GSN: variants seen among roughly 807,000 people sequenced by gnomAD.
GSN encodes gelsolin, also known as actin-depolymerizing factor.
GSN carries 56 observed loss-of-function variants against 85.7 expected under a neutral mutation model. The observed-to-expected ratio is 0.65, with a 90% CI of 0.53 to 0.82. The LOEUF is 0.82. GSN is among the 40% of genes least tolerant of loss of function. The pLI, the probability that GSN is intolerant of heterozygous loss-of-function variation, is 0.00. For synonymous variants in GSN, 373 were observed against 399.1 expected, an observed-to-expected ratio of 0.93 and a Z score of 0.78; for missense variants, 857 against 979.8, an observed-to-expected ratio of 0.87 and a Z score of 1.67.
rs2063673536 is a variant in GSN, at chr9:121,329,708, T to C, written c.1965+393T>C. ...GTGTCACCTAGAGGCTCTAGAGGGC[T>C]CCTGCTTCTGGTTTGAGGGCTCTGG... is the stretch of plus-strand genomic sequence containing the variant. On this transcript the variant is annotated intron_variant, in intron 16 of 17. Coordinates refer to ENST00000432226, the MANE Select transcript of GSN (RefSeq NM_198252.3). The surrounding 1 kb of genome is among the most constrained non-coding windows in gnomAD (Gnocchi z 4.6). Among the ~76,000 whole-genome samples, 1 of 152,192 alleles carries C rather than the reference T, an allele frequency of 6.6e-6. No individual in the cohort carries two copies. Among genetic ancestry groups the C allele is most frequent in the South Asian group, 2.1e-4 (1 of 4,826 alleles).
intron 2 of GSN, among the ~76,000 whole-genome samples, chr9:121,298,165 C>T (rs1325883828): frequency 6.6e-6 from 1 of 152,132 alleles, no homozygotes; most frequent in African/African-American, 2.4e-5. Flanking sequence ...TCGGTGACCC[C>T]TGCTGCCCTC....
intron 5 of GSN, among the ~76,000 whole-genome samples, chr9:121,247,591 T>G (rs2054726346): frequency 6.6e-6 from 1 of 152,112 alleles, no homozygotes; most frequent in Non-Finnish European, 1.5e-5. Context: ...GAGAGAGAAG[T>G]GAGTAGAAAA....
chr9:121,326,383 G>A lies in GSN; in HGVS notation c.1417-129G>A, dbSNP rs568696079. ...CTGGTGTCCCTGCCTGTGTGTTGTCGGGTCACATTCCATGCCACACACAGA... is the reference window on the plus strand; with the variant it reads ...CTGGTGTCCCTGCCTGTGTGTTGTCAGGTCACATTCCATGCCACACACAGA... On this transcript the variant is annotated intron_variant, in intron 12 of 17. Coordinates refer to ENST00000432226, the MANE Select transcript of GSN (RefSeq NM_198252.3). 25 of 777,444 alleles carry A rather than the reference G, an allele frequency of 3.2e-5. 1 individual carries two copies. The highest frequency in any genetic ancestry group is 1.6e-4 in the East Asian group (6 of 37,770). 48.2% of individuals were successfully genotyped at this position (777,444 alleles called of 1,614,324 possible). A position where few individuals can be genotyped will look rare whatever the true frequency, so the allele number is the denominator to read the frequency against.
chr9:121,213,596 G>A (rs2054005669), intron 4 of GSN, among the ~76,000 whole-genome samples: 2 of 152,212 alleles, frequency 1.3e-5, no homozygotes, highest in African/African-American at 4.8e-5. Flanking sequence ...TCCTGACTCT[G>A]CCGTCAGCTG....
chr9:121,269,769 T>C (rs186199593), intron 1 of GSN, among the ~76,000 whole-genome samples: 158 of 152,284 alleles, frequency 1.0e-3, no homozygotes, highest in Admixed American at 8.3e-3. Flanking sequence ...TACTCCAGAA[T>C]TTTCCACAGT....
upstream of GSN, chr9:121,265,830 G>C (rs2055186160): frequency 6.6e-6 from 1 of 152,222 alleles, no homozygotes; most frequent in Non-Finnish European, 1.5e-5. Context: ...TATCTAGAAA[G>C]GAATGAAGAC....
intron 2 of GSN, among the ~76,000 whole-genome samples, chr9:121,293,697 CAAA>C (rs55953322): frequency 1.1e-3 from 119 of 108,774 alleles, no homozygotes; most frequent in Non-Finnish European, 1.1e-3. Flanking sequence ...GACCCCATCT[CAAA>C]AAAAAAAAAA....
upstream of GSN, among the ~76,000 whole-genome samples, chr9:121,206,424 T>TA (rs564980634): frequency 5.9e-5 from 9 of 152,212 alleles, no homozygotes; most frequent in South Asian, 1.2e-3. Flanking sequence ...CTTATCACAC[T>TA]AAAAAAAGGT....
rs58231680 is a variant in GSN, at chr9:121,251,187, C to CTTTTTTTTTTTTTTTTTTT, written c.-341+2877_-341+2878insTTTTTTTTTTTTTTTTTTT. Among the ~76,000 whole-genome samples the CTTTTTTTTTTTTTTTTTTT allele has an allele frequency of 6.4e-3, 465 of 73,020 alleles. 113 individuals are homozygous for CTTTTTTTTTTTTTTTTTTT. Among genetic ancestry groups the CTTTTTTTTTTTTTTTTTTT allele is most frequent in the East Asian group, 0.011 (26 of 2,304 alleles). 47.9% of individuals were successfully genotyped at this position (73,020 alleles called of 152,430 possible). ...ATAACATACCTACAGCTGATGTGTTCTTTTTTTTTTTTTGAGATGGATTCT... is the reference window on the plus strand; with the variant it reads ...ATAACATACCTACAGCTGATGTGTTCTTTTTTTTTTTTTTTTTTTTTTTTTTTTTTTTGAGATGGATTCT... On this transcript the variant is annotated intron_variant, in intron 6 of 24. Coordinates refer to the GSN transcript ENST00000373823.
chr9:121,254,268 G>A (rs2054901097), intron 6 of GSN, among the ~76,000 whole-genome samples: 1 of 152,196 alleles, frequency 6.6e-6, no homozygotes, highest in African/African-American at 2.4e-5. Flanking sequence ...TCCTAACACA[G>A]TTTTAGCCTC....
upstream of GSN, among the ~76,000 whole-genome samples, chr9:121,206,796 C>T (rs1248664442): frequency 6.6e-6 from 1 of 152,110 alleles, no homozygotes; most frequent in Non-Finnish European, 1.5e-5. Flanking sequence ...GCTCTGTCAC[C>T]CAGGCTGGAG....
In GSN at chr9:121,213,710, G is replaced by C. The variant is rs533120248; in HGVS notation, c.-528+2843G>C. ...AATCATAGACTCTTGGCACAAGAAG[G>C]GGCCTTTGAGATCAGCCCTTAGAGC... On this transcript the variant is annotated intron_variant, in intron 4 of 24. Transcript: ENST00000373823. 7.2e-5 allele frequency among the ~76,000 whole-genome samples: 11 copies of C among 152,236 alleles called. No homozygotes were observed. The East Asian group carries it at 2.1e-3, about 29-fold the overall frequency.
At chr9:121,202,684 CACAT>C in the GSN span, among the ~76,000 whole-genome samples, 2 of 152,192 alleles carry the variant, frequency 1.3e-5, no homozygotes, top group Admixed American at 1.3e-4. Context: ...ATTACACACA[CACAT>C]ATATTTCACA....
chr9:121,228,353 A>G (rs1321577872), intron 4 of GSN, among the ~76,000 whole-genome samples: 1 of 147,046 alleles, frequency 6.8e-6, no homozygotes, highest in Non-Finnish European at 1.5e-5. Context: ...TTGAGCATCT[A>G]CTGTGTGCTA....
At chr9:121,239,433 C>A in intron 5 of GSN, 1 of 399,074 alleles carries the variant, frequency 2.5e-6, no homozygotes, top group Non-Finnish European at 4.9e-6. Flanking sequence ...TGTTTACATC[C>A]TTAGCAGCAA....
At chr9:121,244,154 C>T (rs1287535493) in intron 5 of GSN, among the ~76,000 whole-genome samples, 1 of 152,132 alleles carries the variant, frequency 6.6e-6, no homozygotes, top group Non-Finnish European at 1.5e-5. Context: ...GAAATTCATC[C>T]ATGTTGTAGT....
chr9:121,314,099 A>G (rs2061463474), intron 7 of GSN, 76 bp downstream of exon 7: 4 of 1,139,092 alleles, frequency 3.5e-6, no homozygotes, highest in Non-Finnish European at 5.3e-6. Context: ...TCCCCACTCC[A>G]CTGCTATGGG....
At chr9:121,272,476 T>G (rs997173297) in intron 1 of GSN, among the ~76,000 whole-genome samples, 2 of 152,162 alleles carry the variant, frequency 1.3e-5, no homozygotes, top group Non-Finnish European at 2.9e-5. Flanking sequence ...GTTGGAGGGC[T>G]TTGTGCTCCC....
intron 4 of GSN, among the ~76,000 whole-genome samples, chr9:121,224,852 T>C (rs536442140): frequency 6.6e-6 from 1 of 152,064 alleles, no homozygotes; most frequent in South Asian, 2.1e-4. Flanking sequence ...AGGGTCTCAC[T>C]CTGTCACTTA....
Sources: gnomAD v4.1 joint callset for allele counts (sites outside exome capture counted in the v4.1 genomes callset) on GRCh38, gnomAD v4.1.1 for gene constraint, Gnocchi (gnomAD v3.1) non-coding constraint, MANE v1.5 for transcripts, NCBI Gene and HGNC (gene_info 2026-07-23, HGNC 2026-07-21) for gene names.